CMSS1: variants seen among roughly 807,000 people sequenced by gnomAD.
CMSS1 encodes protein CMSS1.
A neutral mutation model predicts 43.5 loss-of-function variants in CMSS1; 33 were observed. That is an observed-to-expected ratio of 0.76 (90% CI 0.57 to 1.01). The LOEUF is 1.01. Ranked by LOEUF, CMSS1 falls within the 50% of genes least tolerant of loss-of-function variation. The pLI is 0.00. For synonymous variants in CMSS1, 115 were observed against 117.2 expected, an observed-to-expected ratio of 0.98 and a Z score of 0.12; for missense variants, 313 against 326.4, an observed-to-expected ratio of 0.96 and a Z score of 0.32.
At chr3:100,152,470 G>C (rs1467263064) in intron 2 of CMSS1, among the ~76,000 whole-genome samples, 1 of 152,028 alleles carries the variant, frequency 6.6e-6, no homozygotes. Flanking sequence ...GAGAATATGA[G>C]GCAATATTCC....
intron 1 of CMSS1, among the ~76,000 whole-genome samples, chr3:100,066,677 G>A (rs1329456885): frequency 5.4e-5 from 7 of 130,756 alleles, no homozygotes; most frequent in East Asian, 2.1e-4. Flanking sequence ...GACTACAGGC[G>A]CCCGCCACTA....
chr3:100,017,937 A>G (rs1710392568), intron 1 of CMSS1, among the ~76,000 whole-genome samples: 1 of 152,146 alleles, frequency 6.6e-6, no homozygotes, highest in South Asian at 2.1e-4. Flanking sequence ...GGAACTTCTC[A>G]GCCTCCATAA....
chr3:99,859,044 T>C (rs1034152674), intron 1 of CMSS1, among the ~76,000 whole-genome samples: 1 of 152,226 alleles, frequency 6.6e-6, no homozygotes, highest in Non-Finnish European at 1.5e-5. Flanking sequence ...TCTCTCCCAG[T>C]CCACAGAAAA....
At chr3:100,165,862 A>G (rs925319682) in intron 4 of CMSS1, among the ~76,000 whole-genome samples, 3 of 152,208 alleles carry the variant, frequency 2.0e-5, no homozygotes, top group African/African-American at 7.2e-5. Context: ...CTTACAGTTC[A>G]CAAGAGTTTC....
rs540669439 is a variant in CMSS1, at chr3:99,916,993, C to A, written c.64+98950C>A. ...ATTTTCACTTATGAGGCAAAAATTTCTATTTTGATATGGTTTAGTGGCTCT... is the reference window on the plus strand; with the variant it reads ...ATTTTCACTTATGAGGCAAAAATTTATATTTTGATATGGTTTAGTGGCTCT... On this transcript the variant is annotated intron_variant, in intron 1 of 9. Coordinates refer to ENST00000421999, the MANE Select transcript of CMSS1 (RefSeq NM_032359.4). Among the ~76,000 whole-genome samples the A allele has an allele frequency of 3.3e-5, 5 of 152,282 alleles. No homozygotes were observed. In the East Asian group the frequency reaches 7.7e-4, roughly 23 times the overall value.
At chr3:99,900,443 GA>G (rs1250034279) in intron 1 of CMSS1, among the ~76,000 whole-genome samples, 3 of 152,176 alleles carry the variant, frequency 2.0e-5, no homozygotes, top group Non-Finnish European at 4.4e-5. Context: ...TGAAGAAACT[GA>G]GTCTCTAAGA....
At chr3:100,161,342 G>T (rs1350004494) in intron 3 of CMSS1, among the ~76,000 whole-genome samples, 2 of 152,136 alleles carry the variant, frequency 1.3e-5, no homozygotes, top group African/African-American at 4.8e-5. Context: ...TTAAATAAGT[G>T]ACTTTAACTT....
At chr3:99,903,382 G>T (rs189051267) in intron 1 of CMSS1, among the ~76,000 whole-genome samples, 70 of 152,108 alleles carry the variant, frequency 4.6e-4, no homozygotes, top group Admixed American at 1.1e-3. Context: ...CTCCTGAGTA[G>T]CTGGGATTAC....
chr3:100,097,291 G>A (rs2066226593), intron 1 of CMSS1, among the ~76,000 whole-genome samples: 1 of 152,214 alleles, frequency 6.6e-6, no homozygotes, highest in East Asian at 1.9e-4. Flanking sequence ...AGTCCCTGGT[G>A]CCTAAAAGGT....
intron 1 of CMSS1, among the ~76,000 whole-genome samples, chr3:99,879,739 T>C (rs892101997): frequency 3.3e-5 from 5 of 152,190 alleles, no homozygotes; most frequent in African/African-American, 1.2e-4. Flanking sequence ...ATATGACATG[T>C]TTGCTTCTTT....
chr3:99,851,837 A>G (rs1943711635), intron 1 of CMSS1, among the ~76,000 whole-genome samples: 1 of 152,206 alleles, frequency 6.6e-6, no homozygotes, highest in South Asian at 2.1e-4. Context: ...CTTCACATAT[A>G]TCTTATCCTC....
At chr3:100,037,531 C>G (rs1356851919) in intron 1 of CMSS1, among the ~76,000 whole-genome samples, 1 of 152,214 alleles carries the variant, frequency 6.6e-6, no homozygotes, top group Non-Finnish European at 1.5e-5. Context: ...AAATCATACC[C>G]TAAGATAAAC....
chr3:99,906,422 A>G (rs1215923886), intron 1 of CMSS1, among the ~76,000 whole-genome samples: 2 of 152,118 alleles, frequency 1.3e-5, no homozygotes, highest in Non-Finnish European at 2.9e-5. Flanking sequence ...TATATTCTGT[A>G]TGTGAGTCTT....
chr3:99,938,496 T>G (rs1284067802), intron 1 of CMSS1, among the ~76,000 whole-genome samples: 1 of 152,118 alleles, frequency 6.6e-6, no homozygotes, highest in Non-Finnish European at 1.5e-5. Context: ...GGCTTTAAAT[T>G]TGAATATATT....
At position 99,848,127 on chromosome 3, in the gene CMSS1, G is replaced by T. The variant is rs1391890865; in HGVS notation, c.64+30084G>T. ...ACTCGATATGACTATGCAGGCAACAGTTAGTTTCAGATACTCTTGTATAGT... is the reference window on the plus strand; with the variant it reads ...ACTCGATATGACTATGCAGGCAACATTTAGTTTCAGATACTCTTGTATAGT... On this transcript the variant is annotated intron_variant, in intron 1 of 9. Coordinates refer to ENST00000421999, the MANE Select transcript of CMSS1 (RefSeq NM_032359.4). 4.1e-6 allele frequency: 6 copies of T among 1,478,102 alleles called. No individual in the cohort carries two copies. In the East Asian group the frequency reaches 9.6e-5, roughly 24 times the overall value. 91.6% of individuals were successfully genotyped at this position (1,478,102 alleles called of 1,614,324 possible).
chr3:100,090,729 C>T (rs2066089591), intron 1 of CMSS1, among the ~76,000 whole-genome samples: 1 of 152,134 alleles, frequency 6.6e-6, no homozygotes, highest in Non-Finnish European at 1.5e-5. Context: ...CTCAGGAAAA[C>T]CTCTCCATCA....
intron 1 of CMSS1, among the ~76,000 whole-genome samples, chr3:100,049,060 G>A (rs1366292261): frequency 1.3e-5 from 2 of 152,126 alleles, no homozygotes; most frequent in Non-Finnish European, 2.9e-5. Context: ...CAGAAACAAA[G>A]TCGATGTCTG....
At chr3:100,049,153 C>T (rs2065327778) in intron 1 of CMSS1, among the ~76,000 whole-genome samples, 1 of 152,188 alleles carries the variant, frequency 6.6e-6, no homozygotes, top group African/African-American at 2.4e-5. Flanking sequence ...TTTACCTTCT[C>T]TCCTTACTAT....
chr3:100,117,878 T>TATATATATATATATAC (rs1357671856), intron 1 of CMSS1, among the ~76,000 whole-genome samples: 32 of 129,072 alleles, frequency 2.5e-4, no homozygotes, highest in African/African-American at 8.9e-4. Flanking sequence ...TATATATATA[T>TATATATATATATATAC]ACACATACAA....
Sources: allele counts gnomAD v4.1 joint callset (sites outside exome capture counted in the v4.1 genomes callset), GRCh38; gene constraint gnomAD v4.1.1; transcripts MANE v1.5; gene names NCBI Gene and HGNC (gene_info 2026-07-23, HGNC 2026-07-21).